CENPU: variants seen among roughly 807,000 people sequenced by gnomAD.
The protein encoded by CENPU is KSHV latent nuclear antigen interacting protein 1.
A neutral mutation model predicts 56.7 loss-of-function variants in CENPU; 46 were observed. The ratio of observed to expected loss-of-function variants is 0.81; its 90% confidence interval spans 0.64 to 1.04. CENPU has a LOEUF of 1.04. Among genes scored for constraint, CENPU ranks in the 50% least tolerant of loss-of-function variants. CENPU has a pLI of 0.00. For missense variants in CENPU, 510 were observed against 490.1 expected (o/e 1.04, Z -0.38); for synonymous variants, 166 against 163.0 (o/e 1.02, Z -0.14).
In CENPU at chr4:184,710,075, T is replaced by G. The variant is rs756155348; in HGVS notation, c.794A>C (p.His265Pro). ...LPEFEKTHLE[H>P]QQRIESKVCK... is the part of the protein sequence containing the mutation. ...AGCACATCATCAAAAGACTTACTGA[T>G]GCTCTAGGTGGGTTTTCTCAAATTC... Residue 265 changes from histidine to proline, a missense_variant, in exon 8 of 13, where the codon CAT becomes CCT. Transcript: ENST00000281453. 6.3e-7 allele frequency: 1 copy of G among 1,586,776 alleles called. No homozygotes were observed. The highest frequency in any genetic ancestry group is 1.1e-5 in the South Asian group (1 of 89,358).
rs1229583041 is a variant in CENPU at position 184,716,323 on chromosome 4, A to C, written c.618+74T>G. ...TTGAAAAGATCTGAAGGAAAGAGAA[A>C]ATGCTTCATTTTCTTCCCCAAAATT... On this transcript the variant is annotated intron_variant, in intron 6 of 12. Coordinates refer to ENST00000281453, the MANE Select transcript of CENPU (RefSeq NM_024629.4). 35 of 876,074 alleles carry C rather than the reference A, an allele frequency of 4.0e-5. 1 individual carries two copies. In the South Asian group the frequency reaches 4.6e-4, roughly 12 times the overall value. 54.3% of individuals were successfully genotyped at this position (876,074 alleles called of 1,614,324 possible).
intron 1 of CENPU, among the ~76,000 whole-genome samples, chr4:184,732,356 G>C (rs1761678042): frequency 6.6e-6 from 1 of 152,148 alleles, no homozygotes; most frequent in South Asian, 2.1e-4. Flanking sequence ...CACCCCAGGA[G>C]TGTCTGATTC....
intron 11 of CENPU, among the ~76,000 whole-genome samples, chr4:184,699,324 C>T (rs1404265595): frequency 4.7e-5 from 7 of 150,360 alleles, no homozygotes; most frequent in South Asian, 2.1e-4. Flanking sequence ...AGCCAGACTC[C>T]GTCTCAAAAA....
chr4:184,699,632 C>A lies in CENPU; in HGVS notation c.986+1188G>T, dbSNP rs910877443. The A allele has an allele frequency of 6.2e-6, 8 of 1,286,978 alleles. No homozygotes were observed. In the African/African-American group the frequency reaches 7.6e-5, roughly 12 times the overall value. The allele number at this position is 1,286,978 out of a possible 1,614,324, so 79.7% of individuals were successfully genotyped here. A position where few individuals can be genotyped will look rare whatever the true frequency, so the allele number is the denominator to read the frequency against. ...ATTTAGAAACCAACAGATTAGACAA[C>A]TGCTTTCTCCCACTTAAACTCCTGT... is the stretch of plus-strand genomic sequence containing the variant. On this transcript the variant is annotated intron_variant, in intron 11 of 12. Transcript: ENST00000281453.
intron 6 of CENPU, among the ~76,000 whole-genome samples, chr4:184,714,225 G>C (rs1761016520): frequency 6.6e-6 from 1 of 152,154 alleles, no homozygotes; most frequent in African/African-American, 2.4e-5. Flanking sequence ...AAATCTGAGA[G>C]AATTTGTCAC....
chr4:184,728,304 C>T (rs1579798071), intron 3 of CENPU, among the ~76,000 whole-genome samples: 1 of 152,076 alleles, frequency 6.6e-6, no homozygotes, highest in African/African-American at 2.4e-5. Context: ...AAAATTAAAC[C>T]AAAAGCCTTC....
Position 184,695,265 on chromosome 4 carries a change from C to T in CENPU, c.*23G>A. 6.7e-7 allele frequency: 1 copy of T among 1,483,466 alleles called. No individual in the cohort carries two copies. The highest frequency in any genetic ancestry group is 9.4e-7 in the Non-Finnish European group (1 of 1,061,356). The allele number at this position is 1,483,466 out of a possible 1,614,324, so 91.9% of individuals were successfully genotyped here. On this transcript the variant is annotated 3_prime_UTR_variant, in exon 13 of 13. Transcript: ENST00000281453. ...AGCATGAGACTAGTCTTCCTATAGG[C>T]ACATTTTAGTAGACTGCTCTTCTCA...
intron 11 of CENPU, chr4:184,699,424 T>C (rs962579912): frequency 2.1e-5 from 9 of 418,622 alleles, no homozygotes; most frequent in Admixed American, 1.9e-4. Flanking sequence ...ACTGTAGCTA[T>C]AACCACTTAT....
chr4:184,728,193 G>A (rs988531225), intron 3 of CENPU, among the ~76,000 whole-genome samples: 6 of 152,100 alleles, frequency 3.9e-5, no homozygotes, highest in African/African-American at 7.2e-5. Context: ...TTTAGATTTA[G>A]ATTTTAGACA....
At position 184,695,136 on chromosome 4, in the gene CENPU, T is replaced by C. The variant is rs535081246; in HGVS notation, c.*152A>G. 381 of 599,784 alleles carry C rather than the reference T, an allele frequency of 6.4e-4. No homozygotes were observed. Among genetic ancestry groups the C allele is most frequent in the Middle Eastern group, 5.6e-3 (12 of 2,156 alleles). The allele number at this position is 599,784 out of a possible 1,614,324, so 37.2% of individuals were successfully genotyped here. A position where few individuals can be genotyped will look rare whatever the true frequency, so the allele number is the denominator to read the frequency against. ...TTGGACAAACTGATGCTATTTAACA[T>C]TGTTCACAGCCATTTAATTTGAATA... On this transcript the variant is annotated 3_prime_UTR_variant, in exon 13 of 13. Transcript: ENST00000281453.
intron 8 of CENPU, among the ~76,000 whole-genome samples, chr4:184,709,412 G>A (rs1192297655): frequency 1.3e-5 from 2 of 151,688 alleles, no homozygotes; most frequent in East Asian, 1.9e-4. Context: ...GCTTGAACCC[G>A]GGAGGTGGAG....
intron 8 of CENPU, among the ~76,000 whole-genome samples, chr4:184,708,479 TA>T (rs1760805645): frequency 6.6e-6 from 1 of 151,066 alleles, no homozygotes; most frequent in Non-Finnish European, 1.5e-5. Flanking sequence ...AATAAAAAAT[TA>T]AAAAACCTTG....
intron 11 of CENPU, chr4:184,698,068 C>A: frequency 3.0e-6 from 1 of 337,472 alleles, no homozygotes. Context: ...TTCATCAAGC[C>A]GTTCAAGTCT....
intron 8 of CENPU, among the ~76,000 whole-genome samples, chr4:184,703,270 C>T (rs1161814941): frequency 6.6e-6 from 1 of 152,212 alleles, no homozygotes; most frequent in East Asian, 1.9e-4. Flanking sequence ...TTTATTCCCT[C>T]CCTCTTTGCC....
intron 6 of CENPU, chr4:184,713,786 T>G (rs1477504801): frequency 6.6e-6 from 1 of 152,214 alleles, no homozygotes; most frequent in Non-Finnish European, 1.5e-5. Context: ...CCACCCCCAC[T>G]CCACACACAT....
intron 6 of CENPU, among the ~76,000 whole-genome samples, chr4:184,716,132 G>A (rs779962338): frequency 3.3e-5 from 5 of 151,788 alleles, no homozygotes; most frequent in South Asian, 2.1e-4. Flanking sequence ...ATGGGTTTTC[G>A]CCATATTGCC....
intron 1 of CENPU, chr4:184,733,514 C>T (rs1761730406): frequency 3.3e-6 from 2 of 607,636 alleles, no homozygotes; most frequent in African/African-American, 2.0e-5. Flanking sequence ...TAAACAAAAA[C>T]CGCTCGAGCC....
chr4:184,731,027 C>A lies in CENPU; in HGVS notation c.48-59G>T, dbSNP rs571500910. 2.4e-5 allele frequency: 30 copies of A among 1,247,648 alleles called. No individual in the cohort carries two copies. The African/African-American group carries it at 3.7e-4, about 16-fold the overall frequency. 77.3% of individuals were successfully genotyped at this position (1,247,648 alleles called of 1,614,324 possible). A position where few individuals can be genotyped will look rare whatever the true frequency, so the allele number is the denominator to read the frequency against. On this transcript the variant is annotated intron_variant, in intron 1 of 12. Coordinates refer to ENST00000281453, the MANE Select transcript of CENPU (RefSeq NM_024629.4). ...AATAGTTAAAATAACTGAGGAAACA[C>A]CATAGTTATGACCCTTTCCGCGCAT...
At chr4:184,728,568 A>G (rs1353120122) in intron 3 of CENPU, among the ~76,000 whole-genome samples, 1 of 152,176 alleles carries the variant, frequency 6.6e-6, no homozygotes, top group Non-Finnish European at 1.5e-5. Context: ...GACAAAGGAA[A>G]ATTACCCATA....
Sources: gnomAD v4.1 joint callset for allele counts (sites outside exome capture counted in the v4.1 genomes callset) on GRCh38, gnomAD v4.1.1 for gene constraint, MANE v1.5 for transcripts, NCBI Gene and HGNC (gene_info 2026-07-23, HGNC 2026-07-21) for gene names.